Variants in SPAG6 observed in about 807,000 individuals in gnomAD.
SPAG6 encodes sperm associated antigen 6, also known as sperm-associated antigen 6.
In SPAG6, 49 loss-of-function variants were observed where a neutral mutation model predicts 58.5. The ratio of observed to expected loss-of-function variants is 0.84; its 90% CI spans 0.67 to 1.06. The LOEUF is 1.06. SPAG6 is among the 50% of genes least tolerant of loss of function. SPAG6 has a pLI of 0.00. For synonymous variants in SPAG6, 233 were observed against 225.6 expected, an observed-to-expected ratio of 1.03 and a Z score of -0.29; for missense variants, 560 against 611.3, an observed-to-expected ratio of 0.92 and a Z score of 0.89.
chr10:22,361,745 G>A (rs1837045663), intron 2 of SPAG6, among the ~76,000 whole-genome samples: 1 of 151,886 alleles, frequency 6.6e-6, no homozygotes, highest in Non-Finnish European at 1.5e-5. Flanking sequence ...TTTTGAGTGG[G>A]CAAAATATTT....
At chr10:22,407,536 G>A (rs1279311396) in intron 9 of SPAG6, among the ~76,000 whole-genome samples, 4 of 152,036 alleles carry the variant, frequency 2.6e-5, no homozygotes, top group Non-Finnish European at 5.9e-5. Context: ...TCCCTTTGTG[G>A]GTAACCTGAC....
At chr10:22,372,295 A>G (rs1028990716) in intron 4 of SPAG6, among the ~76,000 whole-genome samples, 7 of 152,228 alleles carry the variant, frequency 4.6e-5, no homozygotes, top group Non-Finnish European at 8.8e-5. Context: ...TTGTACATGG[A>G]TATATAGTTA....
intron 2 of SPAG6, among the ~76,000 whole-genome samples, chr10:22,351,682 C>G (rs949858736): frequency 3.9e-5 from 6 of 152,120 alleles, no homozygotes; most frequent in Non-Finnish European, 7.4e-5. Flanking sequence ...AGTGGTTGTA[C>G]TAGCCTTAGG....
chr10:22,416,478 G>A (rs1042374038), intron 10 of SPAG6, 141 bp from the exon 11 acceptor site: 8 of 524,608 alleles, frequency 1.5e-5, no homozygotes, highest in Non-Finnish European at 2.8e-5. Context: ...TATGCACAAA[G>A]CATTACTGGA....
chr10:22,365,937 A>G (rs541379458), intron 3 of SPAG6, among the ~76,000 whole-genome samples: 5 of 152,310 alleles, frequency 3.3e-5, no homozygotes, highest in African/African-American at 1.2e-4. Flanking sequence ...GAGGGCATGG[A>G]GAAATTGGAA....
chr10:22,370,028 A>C (rs1250003998), intron 4 of SPAG6, among the ~76,000 whole-genome samples: 3 of 152,228 alleles, frequency 2.0e-5, no homozygotes, highest in Admixed American at 2.0e-4. Context: ...TAGTGGATAA[A>C]TTATGGAACT....
At position 22,392,590 on chromosome 10, in the gene SPAG6, G is replaced by C. The variant is rs906004403; in HGVS notation, c.1197+670G>C. On this transcript the variant is annotated intron_variant, in intron 8 of 10. Coordinates refer to ENST00000376624, the MANE Select transcript of SPAG6 (RefSeq NM_012443.4). ...TGTTTTCCAGCATAGTTCCTATTAGGAAAACTTGTAAGTTTTTGAAAGCAG... is the reference window on the plus strand; with the variant it reads ...TGTTTTCCAGCATAGTTCCTATTAGCAAAACTTGTAAGTTTTTGAAAGCAG... 7.4e-4 allele frequency among the ~76,000 whole-genome samples: 113 copies of C among 152,010 alleles called. 1 individual carries two copies. Among genetic ancestry groups the C allele is most frequent in the Admixed American group, 2.6e-4 (4 of 15,252 alleles).
In SPAG6 at chr10:22,345,856, A is replaced by T. The variant is rs560070710; in HGVS notation, c.121+38A>T. The T allele has an allele frequency of 2.6e-5, 41 of 1,595,210 alleles. No homozygotes were observed. The South Asian group carries it at 4.5e-4, about 18-fold the overall frequency. The stretch of plus-strand genomic sequence containing the variant: ...CCCGAACCCCCGTCGCCCCCCGCGC[A>T]CTGAGTCCCCGACGCCTCCGCCCCG... On this transcript the variant is annotated intron_variant, in intron 2 of 10. Coordinates refer to ENST00000376624, the MANE Select transcript of SPAG6 (RefSeq NM_012443.4). This position sits in a 1 kb window ranked among gnomAD's most constrained non-coding sequence, Gnocchi z 6.3.
At chr10:22,369,100 C>T (rs1837275892) in intron 4 of SPAG6, among the ~76,000 whole-genome samples, 1 of 152,042 alleles carries the variant, frequency 6.6e-6, no homozygotes, top group Non-Finnish European at 1.5e-5. Context: ...GGTCTTCCTG[C>T]CCATTCATGA....
intron 10 of SPAG6, among the ~76,000 whole-genome samples, chr10:22,413,915 A>T (rs1208256670): frequency 6.6e-6 from 1 of 152,156 alleles, no homozygotes; most frequent in African/African-American, 2.4e-5. Context: ...CCTTTGTAAG[A>T]CAGTTTATCA....
At chr10:22,383,238 A>G (rs1304340572) in intron 4 of SPAG6, among the ~76,000 whole-genome samples, 1 of 152,212 alleles carries the variant, frequency 6.6e-6, no homozygotes, top group Non-Finnish European at 1.5e-5. Context: ...ACTCATTTCC[A>G]TGTTTGAGTT....
chr10:22,390,159 C>A (rs1834154248), intron 7 of SPAG6, among the ~76,000 whole-genome samples: 1 of 152,060 alleles, frequency 6.6e-6, no homozygotes, highest in African/African-American at 2.4e-5. Flanking sequence ...TGCTTTACTC[C>A]CTTTTATCCT....
rs1834872518 is a variant in SPAG6 at position 22,416,667 on chromosome 10, C to T, written c.1509C>T (p.Ser503=). 1.9e-6 allele frequency: 3 copies of T among 1,607,308 alleles called. No homozygotes were observed. The highest frequency in any genetic ancestry group is 2.7e-5 in the African/African-American group (2 of 74,762). The change falls in exon 11 of 11, where the codon AGC becomes AGT. Residue 503 remains serine, a synonymous_variant. Coordinates refer to ENST00000376624, the MANE Select transcript of SPAG6 (RefSeq NM_012443.4). The stretch of plus-strand genomic sequence containing the variant: ...ATACACTTCTGCAGAGGGTGGACAG[C>T]TATCAACCACTTAATAACTGAGCAA... ...YSDTLLQRVD[S]YQPLNN is the part of the protein sequence containing the mutation.
chr10:22,396,785 G>C (rs753264516), intron 8 of SPAG6, among the ~76,000 whole-genome samples: 1 of 152,136 alleles, frequency 6.6e-6, no homozygotes, highest in Non-Finnish European at 1.5e-5. Context: ...TTTTAGAAAT[G>C]ACGGAAAAAT....
intron 8 of SPAG6, among the ~76,000 whole-genome samples, chr10:22,399,684 CTT>C (rs1834367875): frequency 1.3e-5 from 2 of 152,258 alleles, no homozygotes; most frequent in Admixed American, 1.3e-4. Context: ...TCATTAGACT[CTT>C]TTCTACAGTT....
chr10:22,408,490 G>C (rs373361347), intron 9 of SPAG6, among the ~76,000 whole-genome samples: 89 of 147,398 alleles, frequency 6.0e-4, no homozygotes, highest in Non-Finnish European at 9.5e-4. Context: ...GCAGTCTGCC[G>C]GTTCTCAGAT....
intron 3 of SPAG6, among the ~76,000 whole-genome samples, chr10:22,366,185 G>A (rs1837195931): frequency 6.6e-6 from 1 of 152,086 alleles, no homozygotes; most frequent in Non-Finnish European, 1.5e-5. Flanking sequence ...CAGATGAACG[G>A]GTAAACAAAA....
At chr10:22,385,726 A>C (rs1834049826) in intron 4 of SPAG6, among the ~76,000 whole-genome samples, 1 of 152,216 alleles carries the variant, frequency 6.6e-6, no homozygotes. Flanking sequence ...ACTTTGAAAA[A>C]TCAAACACTG....
intron 9 of SPAG6, among the ~76,000 whole-genome samples, chr10:22,406,455 AG>A (rs1834558877): frequency 6.6e-6 from 1 of 152,142 alleles, no homozygotes; most frequent in African/African-American, 2.4e-5. Flanking sequence ...GTTTTGAGTA[AG>A]ATTCTTAATC....
Sources: allele counts gnomAD v4.1 joint callset (sites outside exome capture counted in the v4.1 genomes callset), GRCh38; gene constraint gnomAD v4.1.1; non-coding constraint Gnocchi (gnomAD v3.1); transcripts MANE v1.5; gene names NCBI Gene and HGNC (gene_info 2026-07-23, HGNC 2026-07-21).